Variants in LHX2 observed in about 807,000 individuals in gnomAD.
LHX2 encodes the protein LIM homeobox 2.
LHX2 carries 6 observed loss-of-function variants against 33.0 expected under a neutral mutation model. The observed-to-expected ratio is 0.18, with a 90% CI of 0.10 to 0.36. The LOEUF (loss-of-function observed/expected upper bound fraction) is 0.36. Ranked by LOEUF, LHX2 falls within the 10% of genes least tolerant of loss-of-function variation. The probability of loss-of-function intolerance (pLI) is 1.00; values close to 1 mark genes in which losing one functional copy is unlikely to be tolerated. For synonymous variants in LHX2, 292 were observed against 253.1 expected, an observed-to-expected ratio of 1.15 and a Z score of -1.46; for missense variants, 442 against 586.2, an observed-to-expected ratio of 0.75 and a Z score of 2.54.
intron 4 of LHX2, among the ~76,000 whole-genome samples, chr9:124,029,338 G>C (rs1353473523): frequency 6.6e-6 from 1 of 152,060 alleles, no homozygotes; most frequent in Non-Finnish European, 1.5e-5. Context: ...TGCACCGGGG[G>C]ACATGAAGAT....
intron 4 of LHX2, among the ~76,000 whole-genome samples, chr9:124,022,901 G>A (rs1375780744): frequency 1.3e-5 from 2 of 152,200 alleles, no homozygotes; most frequent in Admixed American, 6.5e-5. Flanking sequence ...GTAGCCGAGG[G>A]AGGGAGCGTC....
chr9:124,022,156 C>A (rs1383916451), intron 4 of LHX2, among the ~76,000 whole-genome samples: 2 of 152,204 alleles, frequency 1.3e-5, no homozygotes, highest in Non-Finnish European at 2.9e-5. Flanking sequence ...AAACGGTCAG[C>A]TCCTCCTTTT....
intron 3 of LHX2, among the ~76,000 whole-genome samples, chr9:124,017,090 C>T (rs543606855): frequency 2.0e-5 from 3 of 152,340 alleles, no homozygotes; most frequent in African/African-American, 7.2e-5. Context: ...TGTTCAGCCG[C>T]CGTTTGCCCC....
chr9:124,021,071 A>C (rs1588348643), intron 3 of LHX2, 28 bp from the exon 4 acceptor site: 1 of 1,609,308 alleles, frequency 6.2e-7, no homozygotes, highest in Non-Finnish European at 8.5e-7. Context: ...CAGGAAGTTC[A>C]CCCACCGGCT....
intron 4 of LHX2, among the ~76,000 whole-genome samples, chr9:124,024,821 C>T (rs1828584032): frequency 6.6e-6 from 1 of 152,208 alleles, no homozygotes; most frequent in Non-Finnish European, 1.5e-5. Flanking sequence ...CCCTGAGTCT[C>T]ACAGCTAGTA....
chr9:124,020,924 C>T (rs901723624), intron 3 of LHX2, among the ~76,000 whole-genome samples, 175 bp from the exon 4 acceptor site: 10 of 152,172 alleles, frequency 6.6e-5, no homozygotes, highest in African/African-American at 2.2e-4. Context: ...GGATCGCTGT[C>T]TCTGAGCCTC....
intron 3 of LHX2, among the ~76,000 whole-genome samples, chr9:124,017,885 C>A (rs1859219907): frequency 6.6e-6 from 1 of 151,960 alleles, no homozygotes; most frequent in African/African-American, 2.4e-5. Context: ...AAACCTCCCC[C>A]TACCCCGGGA....
chr9:124,020,764 A>G (rs2118763069), intron 3 of LHX2, among the ~76,000 whole-genome samples: 1 of 152,318 alleles, frequency 6.6e-6, no homozygotes, highest in South Asian at 2.1e-4. Flanking sequence ...CCTGGAGTTC[A>G]ATCGGCCATC....
intron 3 of LHX2, among the ~76,000 whole-genome samples, chr9:124,020,588 G>A (rs1859275006): frequency 6.6e-6 from 1 of 152,116 alleles, no homozygotes; most frequent in Admixed American, 6.5e-5. Context: ...AAAACAGGAG[G>A]AGGGCAGGCC....
At chr9:124,028,054 G>A (rs1279670554) in intron 4 of LHX2, among the ~76,000 whole-genome samples, 1 of 152,208 alleles carries the variant, frequency 6.6e-6, no homozygotes, top group Non-Finnish European at 1.5e-5. Context: ...ATGCCATGAT[G>A]GGCATGAAGC....
Position 124,032,327 on chromosome 9 carries a change from C to A in LHX2, c.934-93C>A. On this transcript the variant is annotated intron_variant, in intron 4 of 4. Transcript: ENST00000373615. The surrounding 1 kb of genome is among the most constrained non-coding windows in gnomAD (Gnocchi z 4.1). ...ATCCTCTTGGCAAAACACAGATCAG[C>A]GTCCCCAGAGGCAGCAGAGCTCTGA... is the stretch of plus-strand genomic sequence containing the variant. 1 of 1,387,950 alleles carries A rather than the reference C, an allele frequency of 7.2e-7. No individual in the cohort carries two copies. Among genetic ancestry groups the A allele is most frequent in the Non-Finnish European group, 9.6e-7 (1 of 1,040,694 alleles). 86.0% of individuals were successfully genotyped at this position (1,387,950 alleles called of 1,614,324 possible).
Position 124,014,086 on chromosome 9 carries a change from G to C in LHX2, c.246G>C (p.Glu82Asp). Residue 82 changes from glutamate to aspartate, a missense_variant, in exon 2 of 5, where the codon GAG becomes GAC. Glu to Asp is a conservative substitution (Grantham distance 45, BLOSUM62 2). Coordinates refer to ENST00000373615, the MANE Select transcript of LHX2 (RefSeq NM_004789.4). The surrounding 1 kb of genome is among the most constrained non-coding windows in gnomAD (Gnocchi z 4.8). ...ACATGCGCTGCCTCAAGTGCTGCGA[G>C]TGCAAGCTCAACCTGGAGTCGGAGC... ...QWHMRCLKCC[E>D]CKLNLESELT... is the part of the protein sequence containing the mutation. The C allele has an allele frequency of 6.2e-7, 1 of 1,613,758 alleles. No homozygotes were observed. Among genetic ancestry groups the C allele is most frequent in the Non-Finnish European group, 8.5e-7 (1 of 1,180,040 alleles).
rs544567541 is a variant in LHX2, at chr9:124,026,674, G to A, written c.933+5370G>A. 2.0e-5 allele frequency among the ~76,000 whole-genome samples: 3 copies of A among 152,234 alleles called. No homozygotes were observed. The East Asian group carries it at 5.8e-4, about 29-fold the overall frequency. On this transcript the variant is annotated intron_variant, in intron 4 of 4. Coordinates refer to ENST00000373615, the MANE Select transcript of LHX2 (RefSeq NM_004789.4). ...TCAGAGCATGTTAGCATTAATACAG[G>A]CACTGAGAAATCTGGAAGAGACTCA...
chr9:124,032,437 C>A lies in LHX2; in HGVS notation c.951C>A (p.Ala317=). The stretch of plus-strand genomic sequence containing the variant: ...CCCCGCAGGTCTGGTTCCAGAACGC[C>A]CGAGCCAAGTTCAGGCGCAACCTCT... The part of the protein sequence containing the change: ...KRVLQVWFQN[A]RAKFRRNLLR... The change falls in exon 5 of 5, where the codon GCC becomes GCA. Residue 317 remains alanine (A), a synonymous_variant. Transcript: ENST00000373615. The surrounding 1 kb of genome is among the most constrained non-coding windows in gnomAD (Gnocchi z 4.1). 6.3e-7 allele frequency: 1 copy of A among 1,594,186 alleles called. No homozygotes were observed. The highest frequency in any genetic ancestry group is 2.2e-5 in the East Asian group (1 of 44,482).
At position 124,012,467 on chromosome 9, in the gene LHX2, C is replaced by T. The variant is rs1298032374; in HGVS notation, c.119C>T (p.Thr40Met). 3 of 1,543,852 alleles carry T rather than the reference C, an allele frequency of 1.9e-6. No homozygotes were observed. Among genetic ancestry groups the T allele is most frequent in the Non-Finnish European group, 2.6e-6 (3 of 1,153,328 alleles). The change falls in exon 1 of 5, where the codon ACG becomes ATG. Residue 40 changes from threonine to methionine, a missense_variant and splice_region_variant. Thr to Met is a moderately conservative substitution (Grantham distance 81). Around this residue, in one of 5 missense-constraint regions of LHX2, gnomAD observed 97 missense variants for 81.5 expected, o/e 1.19. Transcript: ENST00000373615. This position sits in a 1 kb window ranked among gnomAD's most constrained non-coding sequence, Gnocchi z 4.3. ...SSAIDRGDTE[T>M]TMPSISSDRA... ...GCCATCGACCGCGGCGACACCGAGA[C>T]GGTAGGCGCGCGGCTGTGGGGTCGG...
At position 124,014,601 on chromosome 9, in the gene LHX2, A is replaced by G. The variant is rs761293985; in HGVS notation, c.323+438A>G. 4.7e-4 allele frequency among the ~76,000 whole-genome samples: 71 copies of G among 152,244 alleles called. No individual in the cohort carries two copies. The highest frequency in any genetic ancestry group is 1.0e-3 in the South Asian group (5 of 4,810). ...TTTCCAGGTCTTTTGAGAAAATGGGAATGAAAGGTGGCCAAGATCAAAGAA... is the reference window on the plus strand; with the variant it reads ...TTTCCAGGTCTTTTGAGAAAATGGGGATGAAAGGTGGCCAAGATCAAAGAA... On this transcript the variant is annotated intron_variant, in intron 2 of 4. Coordinates refer to ENST00000373615, the MANE Select transcript of LHX2 (RefSeq NM_004789.4). The surrounding 1 kb of genome is among the most constrained non-coding windows in gnomAD (Gnocchi z 4.8).
Position 124,012,921 on chromosome 9 carries a change from T to C in LHX2, c.120+453T>C, listed in dbSNP as rs577286851. Among the ~76,000 whole-genome samples the C allele has an allele frequency of 1.3e-4, 20 of 152,278 alleles. No homozygotes were observed. In the South Asian group the frequency reaches 3.7e-3, roughly 28 times the overall value. ...CCAGCTTTCCGGCAATCGGGGATCC[T>C]CCTCAACCCCCAGCGCAGTTTCAGA... On this transcript the variant is annotated intron_variant, in intron 1 of 4. Transcript: ENST00000373615. The surrounding 1 kb of genome is among the most constrained non-coding windows in gnomAD (Gnocchi z 4.3).
chr9:124,015,190 C>T lies in LHX2; in HGVS notation c.392C>T (p.Ala131Val), dbSNP rs538436147. ...GISASEMVMRARDLVYHLNCF... is the reference protein window; with the variant it reads ...GISASEMVMRVRDLVYHLNCF... ...TCGGCCTCGGAGATGGTGATGCGCG[C>T]TCGGGACTTGGTTTATCACCTCAAC... Residue 131 changes from alanine to valine, a missense_variant, in exon 3 of 5, where the codon GCT (alanine) becomes GTT (valine). Coordinates refer to ENST00000373615, the MANE Select transcript of LHX2 (RefSeq NM_004789.4). The surrounding 1 kb of genome is among the most constrained non-coding windows in gnomAD (Gnocchi z 7.9). The T allele has an allele frequency of 6.2e-7, 1 of 1,614,026 alleles. No individual in the cohort carries two copies. The highest frequency in any genetic ancestry group is 8.5e-7 in the Non-Finnish European group (1 of 1,180,058).
In LHX2 at chr9:124,012,478, C is replaced by T. The variant is rs372318638; in HGVS notation, c.120+10C>T. The T allele has an allele frequency of 2.7e-5, 41 of 1,537,034 alleles. No individual in the cohort carries two copies. The highest frequency in any genetic ancestry group is 1.2e-4 in the Admixed American group (6 of 51,984). ...CGGCGACACCGAGACGGTAGGCGCG[C>T]GGCTGTGGGGTCGGGGCTGAGAGCT... On this transcript the variant is annotated intron_variant, in intron 1 of 4. Transcript: ENST00000373615. This position sits in a 1 kb window ranked among gnomAD's most constrained non-coding sequence, Gnocchi z 4.3.
Sources: gnomAD v4.1 joint callset for allele counts (sites outside exome capture counted in the v4.1 genomes callset) on GRCh38, gnomAD v4.1.1 for gene constraint, gnomAD v4.1.1 regional missense constraint, Gnocchi (gnomAD v3.1) non-coding constraint, MANE v1.5 for transcripts, NCBI Gene and HGNC (gene_info 2026-07-23, HGNC 2026-07-21) for gene names.